SUSD6: variants seen among roughly 807,000 people sequenced by gnomAD.
The protein encoded by SUSD6 is sushi domain containing 6.
SUSD6 carries 16 observed loss-of-function variants against 28.4 expected under a neutral mutation model. The observed-to-expected ratio is 0.56, with a 90% confidence interval of 0.38 to 0.86. SUSD6 has a LOEUF of 0.86. SUSD6 is among the 40% of genes least tolerant of loss of function. The pLI, the probability that SUSD6 is intolerant of heterozygous loss-of-function variation, is 0.00. For missense variants in SUSD6, 341 were observed against 384.2 expected (o/e 0.89, Z 0.94); for synonymous variants, 147 against 159.6 (o/e 0.92, Z 0.59).
intron 1 of SUSD6, among the ~76,000 whole-genome samples, chr14:69,653,747 C>CTTTTTTTTTTTTTTTTTT (rs3048700): frequency 1.1e-5 from 1 of 93,242 alleles, no homozygotes; most frequent in Non-Finnish European, 2.0e-5. Context: ...CCTAGTGAAA[C>CTTTTTTTTTTTTTTTTTT]TTTTTTTTTT....
rs1885595308 is a variant in SUSD6 at position 69,657,142 on chromosome 14, A to G, written c.-80-1371A>G. Among the ~76,000 whole-genome samples, 4 of 152,216 alleles carry G rather than the reference A, an allele frequency of 2.6e-5. No homozygotes were observed. The South Asian group carries it at 8.3e-4, about 32-fold the overall frequency. ...TAGGAGGGGAGAGTAGGCCTGAGTCATGCTTCAGACACAGATTAAAATCAG... is the reference window on the plus strand; with the variant it reads ...TAGGAGGGGAGAGTAGGCCTGAGTCGTGCTTCAGACACAGATTAAAATCAG... On this transcript the variant is annotated intron_variant, in intron 1 of 5. Coordinates refer to ENST00000342745, the MANE Select transcript of SUSD6 (RefSeq NM_014734.4).
chr14:69,690,352 G>A (rs192256149), intron 2 of SUSD6, among the ~76,000 whole-genome samples: 13 of 152,324 alleles, frequency 8.5e-5, no homozygotes, highest in Non-Finnish European at 2.9e-5. Flanking sequence ...TCAAAGGCCA[G>A]TCCTAGACCT....
At chr14:69,697,562 T>G (rs1047339637) in intron 2 of SUSD6, among the ~76,000 whole-genome samples, 1 of 152,224 alleles carries the variant, frequency 6.6e-6, no homozygotes, top group Non-Finnish European at 1.5e-5. Context: ...TTGGGTTAAA[T>G]AAAATATTAA....
At chr14:69,647,285 A>G (rs1448325210) in intron 1 of SUSD6, among the ~76,000 whole-genome samples, 2 of 152,190 alleles carry the variant, frequency 1.3e-5, no homozygotes, top group African/African-American at 2.4e-5. Flanking sequence ...AGGATTAGTC[A>G]TTATTAGAAA....
At chr14:69,633,656 C>G (rs1885226574) in intron 1 of SUSD6, among the ~76,000 whole-genome samples, 1 of 152,138 alleles carries the variant, frequency 6.6e-6, no homozygotes, top group East Asian at 1.9e-4. Context: ...TCTAATCATT[C>G]ATATCTCACT....
intron 2 of SUSD6, among the ~76,000 whole-genome samples, chr14:69,665,915 T>C (rs1332290225): frequency 1.3e-5 from 2 of 152,216 alleles, no homozygotes; most frequent in African/African-American, 2.4e-5. Context: ...CTTTATAAGA[T>C]TGTAGTGAGG....
chr14:69,667,173 G>A (rs1248816267), intron 2 of SUSD6, among the ~76,000 whole-genome samples: 1 of 152,154 alleles, frequency 6.6e-6, no homozygotes, highest in African/African-American at 2.4e-5. Context: ...ATGAGGATCA[G>A]CCTGTCAGTG....
intron 2 of SUSD6, among the ~76,000 whole-genome samples, chr14:69,672,339 A>G (rs1345487179): frequency 1.3e-5 from 2 of 152,218 alleles, no homozygotes; most frequent in East Asian, 3.8e-4. Context: ...ATAATTGGTC[A>G]TGTCAGACAA....
At chr14:69,703,878 C>T (rs1217155649) in intron 3 of SUSD6, 7 of 498,466 alleles carry the variant, frequency 1.4e-5, no homozygotes, top group South Asian at 6.4e-5. Context: ...GACCCTTGAC[C>T]ATGTTCTGCC....
At chr14:69,668,036 T>C (rs1208810740) in intron 2 of SUSD6, among the ~76,000 whole-genome samples, 1 of 152,234 alleles carries the variant, frequency 6.6e-6, no homozygotes, top group Admixed American at 6.5e-5. Context: ...TGGCTTGTCC[T>C]CTGTGTGAGG....
At chr14:69,670,431 A>AG (rs1459096537) in intron 2 of SUSD6, 13 of 456,636 alleles carry the variant, frequency 2.8e-5, no homozygotes, top group East Asian at 6.9e-5. Context: ...AATACTCATT[A>AG]GGGGGTCTCC....
intron 1 of SUSD6, chr14:69,615,371 G>A (rs945034375): frequency 2.0e-5 from 3 of 152,208 alleles, no homozygotes; most frequent in Admixed American, 1.3e-4. Flanking sequence ...TTGTGTTTCT[G>A]TGTAAGAACC....
At chr14:69,614,379 C>G (rs960986141) in intron 1 of SUSD6, among the ~76,000 whole-genome samples, 1 of 152,184 alleles carries the variant, frequency 6.6e-6, no homozygotes, top group African/African-American at 2.4e-5. Flanking sequence ...AACTTGTGTT[C>G]TTATGTAATG....
chr14:69,621,678 T>C lies in SUSD6; in HGVS notation c.-81+9850T>C, dbSNP rs1396819024. Reference sequence around the variant, plus strand: ...TGCCTCTGTAGTTTGGAGAGAAATATATTTAGTATCCAGTGTGTCAGGTTG... The same window carrying C: ...TGCCTCTGTAGTTTGGAGAGAAATACATTTAGTATCCAGTGTGTCAGGTTG... On this transcript the variant is annotated intron_variant, in intron 1 of 5. Transcript: ENST00000342745. 2.6e-5 allele frequency among the ~76,000 whole-genome samples: 4 copies of C among 152,210 alleles called. No homozygotes were observed. The East Asian group carries it at 5.8e-4, about 22-fold the overall frequency.
chr14:69,639,511 A>G (rs1380614740), intron 1 of SUSD6, among the ~76,000 whole-genome samples: 8 of 152,126 alleles, frequency 5.3e-5, no homozygotes, highest in African/African-American at 9.7e-5. Flanking sequence ...TTAATTCCCA[A>G]GCCCCTCTCT....
At chr14:69,614,330 G>C (rs913476888) in intron 1 of SUSD6, among the ~76,000 whole-genome samples, 1 of 152,236 alleles carries the variant, frequency 6.6e-6, no homozygotes, top group Non-Finnish European at 1.5e-5. Flanking sequence ...GCCTCCCAAA[G>C]TGTTGGGATT....
intron 1 of SUSD6, among the ~76,000 whole-genome samples, chr14:69,621,700 G>C (rs181489363): frequency 6.6e-6 from 1 of 152,304 alleles, no homozygotes; most frequent in Admixed American, 6.5e-5. Flanking sequence ...AGTGTGTCAG[G>C]TTGCAGGCAA....
intron 2 of SUSD6, among the ~76,000 whole-genome samples, chr14:69,683,599 A>T (rs1886029421): frequency 6.6e-6 from 1 of 152,162 alleles, no homozygotes; most frequent in Admixed American, 6.5e-5. Flanking sequence ...GGCTGAGCTG[A>T]GGCCATGATC....
At chr14:69,709,266 G>T in intron 5 of SUSD6, among the ~76,000 whole-genome samples, 162 bp downstream of exon 5, 1 of 152,196 alleles carries the variant, frequency 6.6e-6, no homozygotes, top group East Asian at 1.9e-4. Context: ...TCAGAGTACT[G>T]AGTAGGGCTT....
Sources: gnomAD v4.1 joint callset for allele counts (sites outside exome capture counted in the v4.1 genomes callset) on GRCh38, gnomAD v4.1.1 for gene constraint, MANE v1.5 for transcripts, NCBI Gene and HGNC (gene_info 2026-07-23, HGNC 2026-07-21) for gene names.